The following CARMIL1 variants were observed in gnomAD, a reference collection of about 807,000 sequenced individuals.
The protein encoded by CARMIL1 is capping protein regulator and myosin 1 linker 1, also known as F-actin-uncapping protein LRRC16A.
Under a neutral mutation model 177.1 loss-of-function variants are expected in CARMIL1, and 90 were observed. The observed-to-expected ratio is 0.51, with a 90% CI of 0.43 to 0.61. CARMIL1 has a LOEUF of 0.61. CARMIL1 is among the 20% of genes least tolerant of loss of function. CARMIL1 has a pLI of 0.00. For missense variants in CARMIL1, 1,380 were observed against 1,667.0 expected (o/e 0.83, Z 3.00); for synonymous variants, 577 against 606.2 (o/e 0.95, Z 0.71).
At chr6:25,598,420 G>C (rs941608432) in intron 32 of CARMIL1, among the ~76,000 whole-genome samples, 6 of 151,852 alleles carry the variant, frequency 4.0e-5, no homozygotes, top group African/African-American at 1.2e-4. Context: ...TGTATTTTTT[G>C]TAGGGATGGG....
At chr6:25,519,221 G>C (rs1349195369) in intron 22 of CARMIL1, among the ~76,000 whole-genome samples, 12 of 152,186 alleles carry the variant, frequency 7.9e-5, no homozygotes, top group African/African-American at 2.7e-4. Context: ...GCTGCTGATA[G>C]TTTAGAGTCC....
intron 31 of CARMIL1, among the ~76,000 whole-genome samples, chr6:25,588,937 A>G (rs7766874): frequency 0.49 from 74,879 of 152,098 alleles, 18,648 homozygotes; most frequent in East Asian, 0.63. Flanking sequence ...TCAGTTTGCC[A>G]TATATTCTCG....
At chr6:25,605,556 GT>G (rs1815870387) in intron 34 of CARMIL1, among the ~76,000 whole-genome samples, 1 of 152,140 alleles carries the variant, frequency 6.6e-6, no homozygotes, top group African/African-American at 2.4e-5. Flanking sequence ...ATGGATGGAG[GT>G]GGGGGATGAG....
chr6:25,314,330 G>A (rs1462002333), intron 2 of CARMIL1, among the ~76,000 whole-genome samples: 8 of 146,250 alleles, frequency 5.5e-5, no homozygotes, highest in African/African-American at 2.0e-4. Flanking sequence ...AAAATTAGCT[G>A]GGTGTGGTGG....
Position 25,334,140 on chromosome 6 carries a change from G to T in CARMIL1, c.138+49231G>T, listed in dbSNP as rs891885359. On this transcript the variant is annotated intron_variant, in intron 2 of 36. Coordinates refer to ENST00000329474, the MANE Select transcript of CARMIL1 (RefSeq NM_017640.6). Reference sequence around the variant, plus strand: ...GTTGAGTAGTGATCCTGGTATTAAAGATGAGAAATTTGTTAGGTAGCCGCT... The same window carrying T: ...GTTGAGTAGTGATCCTGGTATTAAATATGAGAAATTTGTTAGGTAGCCGCT... Among the ~76,000 whole-genome samples, 25 of 152,336 alleles carry T rather than the reference G, an allele frequency of 1.6e-4. No homozygotes were observed. In the East Asian group the frequency reaches 4.8e-3, roughly 29 times the overall value.
rs1812465990 is a variant in CARMIL1, at chr6:25,575,127, G to A, written c.2743-5797G>A. Among the ~76,000 whole-genome samples the A allele has an allele frequency of 2.0e-5, 3 of 152,176 alleles. No homozygotes were observed. In the South Asian group the frequency reaches 6.2e-4, roughly 32 times the overall value. ...AGTCCCATAACCCAGTAAGTAGCAGGTTCAGGATTCATGCCCAGTTCTTGG... is the reference window on the plus strand; with the variant it reads ...AGTCCCATAACCCAGTAAGTAGCAGATTCAGGATTCATGCCCAGTTCTTGG... On this transcript the variant is annotated intron_variant, in intron 29 of 36. Transcript: ENST00000329474.
chr6:25,516,221 C>T (rs914319869), intron 21 of CARMIL1, among the ~76,000 whole-genome samples: 8 of 152,174 alleles, frequency 5.3e-5, no homozygotes, highest in Non-Finnish European at 1.2e-4. Context: ...AGCCCAAGGT[C>T]TTAACCCCCT....
chr6:25,301,394 T>C (rs2150174379), intron 2 of CARMIL1, among the ~76,000 whole-genome samples: 1 of 152,332 alleles, frequency 6.6e-6, no homozygotes, highest in South Asian at 2.1e-4. Context: ...TGAGTCAATG[T>C]ACTTAAACTA....
At chr6:25,458,750 G>C (rs924250396) in intron 8 of CARMIL1, among the ~76,000 whole-genome samples, 14 of 152,106 alleles carry the variant, frequency 9.2e-5, no homozygotes, top group African/African-American at 3.1e-4. Flanking sequence ...CTCTGCCTCA[G>C]CTAGCCTTGT....
chr6:25,456,012 C>A (rs1276810473), intron 8 of CARMIL1, among the ~76,000 whole-genome samples: 4 of 152,146 alleles, frequency 2.6e-5, no homozygotes, highest in Non-Finnish European at 5.9e-5. Flanking sequence ...ACTGTCCTCA[C>A]CCCTCTGATT....
rs577387822 is a variant in CARMIL1, at chr6:25,497,361, A to AG, written c.1325+2147dup. Among the ~76,000 whole-genome samples, 215 of 152,318 alleles carry AG rather than the reference A, an allele frequency of 1.4e-3. 1 individual carries two copies. The highest frequency in any genetic ancestry group is 4.3e-3 in the African/African-American group (177 of 41,562). On this transcript the variant is annotated intron_variant, in intron 16 of 36. Transcript: ENST00000329474. ...TTTACAGCTGAGGATATTGAGGCTCAGAGAAGCTAAGTAATTTGCCCCAAA... is the reference window on the plus strand; with the variant it reads ...TTTACAGCTGAGGATATTGAGGCTCAGGAGAAGCTAAGTAATTTGCCCCAAA...
intron 2 of CARMIL1, among the ~76,000 whole-genome samples, chr6:25,328,076 G>A (rs906999572): frequency 3.9e-5 from 6 of 152,046 alleles, no homozygotes; most frequent in African/African-American, 1.4e-4. Flanking sequence ...TGACGTAGGT[G>A]GTATTTCCCT....
Position 25,392,053 on chromosome 6 carries a change from CATGTGTGTGTGTGTGTGTGTGTGT to C in CARMIL1, c.139-28060_139-28037del, listed in dbSNP as rs1562076741. Among the ~76,000 whole-genome samples the C allele has an allele frequency of 1.8e-3, 192 of 107,642 alleles. No homozygotes were observed. The East Asian group carries it at 0.02, about 11-fold the overall frequency. 70.6% of individuals were successfully genotyped at this position (107,642 alleles called of 152,430 possible). On this transcript the variant is annotated intron_variant, in intron 2 of 36. Coordinates refer to ENST00000329474, the MANE Select transcript of CARMIL1 (RefSeq NM_017640.6). ...GTGTGTATGCATGTGTGTGTATATG[CATGTGTGTGTGTGTGTGTGTGTGT>C]GTGTGTGTGTGTGTGTGTGTGTATC... is the stretch of plus-strand genomic sequence containing the variant.
chr6:25,475,740 G>C (rs1230303559), intron 11 of CARMIL1, among the ~76,000 whole-genome samples: 3 of 152,236 alleles, frequency 2.0e-5, no homozygotes, highest in Admixed American at 6.5e-5. Flanking sequence ...GGAGATGGAA[G>C]AGGAAGAATG....
chr6:25,491,688 T>C (rs1803250276), intron 13 of CARMIL1, 44 bp from the exon 14 acceptor site: 1 of 1,254,662 alleles, frequency 8.0e-7, no homozygotes. Flanking sequence ...TGTGTATGTG[T>C]GTGTTTCTAG....
intron 2 of CARMIL1, among the ~76,000 whole-genome samples, chr6:25,300,560 A>AG (rs1252990855): frequency 6.6e-6 from 1 of 152,194 alleles, no homozygotes; most frequent in Admixed American, 6.5e-5. Flanking sequence ...AAGGCATGAG[A>AG]GTCACTTGAA....
chr6:25,362,713 T>C (rs905973878), intron 2 of CARMIL1, among the ~76,000 whole-genome samples: 2 of 151,924 alleles, frequency 1.3e-5, no homozygotes, highest in Admixed American at 6.6e-5. Context: ...ACACGAGCTG[T>C]AGAAAAGCCC....
intron 2 of CARMIL1, among the ~76,000 whole-genome samples, chr6:25,377,246 G>A (rs1027513227): frequency 7.2e-5 from 11 of 152,192 alleles, no homozygotes; most frequent in South Asian, 2.1e-4. Context: ...GGGCACCAGG[G>A]CTGACTGGCT....
intron 15 of CARMIL1, among the ~76,000 whole-genome samples, chr6:25,492,921 A>G (rs1288614113): frequency 6.6e-6 from 1 of 152,198 alleles, no homozygotes; most frequent in East Asian, 1.9e-4. Context: ...ATATGCCACA[A>G]ATACCTCCAT....
Sources: gnomAD v4.1 joint callset for allele counts (sites outside exome capture counted in the v4.1 genomes callset) on GRCh38, gnomAD v4.1.1 for gene constraint, MANE v1.5 for transcripts, NCBI Gene and HGNC (gene_info 2026-07-23, HGNC 2026-07-21) for gene names.